PARK7: variants seen among roughly 807,000 people sequenced by gnomAD.
PARK7 encodes Parkinson disease protein 7.
Under a neutral mutation model 20.5 loss-of-function variants are expected in PARK7, and 14 were observed. That is an observed-to-expected ratio of 0.68 (90% CI 0.45 to 1.07). The LOEUF (loss-of-function observed/expected upper bound fraction) is 1.07, where lower values mean the gene tolerates loss of function less well. Among genes scored for constraint, PARK7 ranks in the 50% least tolerant of loss-of-function variants. The pLI, the probability that PARK7 is intolerant of heterozygous loss-of-function variation, is 0.00. For synonymous variants in PARK7, 98 were observed against 84.3 expected (o/e 1.16, Z -0.89); for missense variants, 234 against 238.1 (o/e 0.98, Z 0.11).
intron 6 of PARK7, among the ~76,000 whole-genome samples, chr1:7,979,412 T>C (rs1482646283): frequency 6.6e-6 from 1 of 152,186 alleles, no homozygotes; most frequent in African/African-American, 2.4e-5. Context: ...GTCCACAGTT[T>C]ACATGAGGGT....
At chr1:7,965,279 A>G in intron 2 of PARK7, 45 bp from the exon 3 acceptor site, 1 of 1,542,738 alleles carries the variant, frequency 6.5e-7, no homozygotes, top group Non-Finnish European at 9.0e-7. Context: ...GTTACTCTGA[A>G]TTTATGTTTC....
rs754483095 is a variant in PARK7 at position 7,985,056 on chromosome 1, GC to G, written c.*3del. ...GCTCCACTTGTTCTTAAAGACTAGA[GC>G]AGCGAACTGCGACGATCACTTAGAG... is the stretch of plus-strand genomic sequence containing the variant. On this transcript the variant is annotated 3_prime_UTR_variant, in exon 7 of 7. Coordinates refer to ENST00000338639, the MANE Select transcript of PARK7 (RefSeq NM_007262.5). 5.6e-6 allele frequency: 9 copies of G among 1,613,812 alleles called. No individual in the cohort carries two copies. The highest frequency in any genetic ancestry group is 7.6e-6 in the Non-Finnish European group (9 of 1,179,954).
At chr1:7,976,491 C>A (rs1406939485) in intron 5 of PARK7, among the ~76,000 whole-genome samples, 1 of 152,182 alleles carries the variant, frequency 6.6e-6, no homozygotes, top group African/African-American at 2.4e-5. Flanking sequence ...AAATAAAAAT[C>A]TCAAGTTAGG....
chr1:7,965,936 C>T lies in PARK7; in HGVS notation c.192+511C>T, dbSNP rs114940958. Among the ~76,000 whole-genome samples, 1,268 of 152,274 alleles carry T rather than the reference C, an allele frequency of 8.3e-3. 10 individuals carry two copies. The highest frequency in any genetic ancestry group is 0.014 in the Middle Eastern group (4 of 294). ...GCAATCCTCCCACCTCAACCCCCCA[C>T]GTAGCTCGGACTACAGGCATGTGCC... On this transcript the variant is annotated intron_variant, in intron 3 of 6. Coordinates refer to ENST00000338639, the MANE Select transcript of PARK7 (RefSeq NM_007262.5).
rs988806431 is a variant in PARK7 at position 7,961,792 on chromosome 1, A to C, written c.-25A>C. The C allele has an allele frequency of 3.3e-5, 5 of 152,644 alleles. No individual in the cohort carries two copies. Among genetic ancestry groups the C allele is most frequent in the Admixed American group, 2.6e-4 (4 of 15,278 alleles). 9.5% of individuals were successfully genotyped at this position (152,644 alleles called of 1,614,324 possible). A position where few individuals can be genotyped will look rare whatever the true frequency, so the allele number is the denominator to read the frequency against. On this transcript the variant is annotated splice_region_variant and 5_prime_UTR_variant, in exon 1 of 7. Transcript: ENST00000338639. ...GTCCGCAGGAAGAGGCGCGGGGTGC[A>C]GGTCAGCGCCAGCGGGGGCGCGGCG...
intron 6 of PARK7, among the ~76,000 whole-genome samples, chr1:7,983,851 G>T (rs949966834): frequency 6.6e-6 from 1 of 152,236 alleles, no homozygotes; most frequent in Non-Finnish European, 1.5e-5. Flanking sequence ...CTTCAGGGGT[G>T]CCTCCTGTGT....
chr1:7,964,255 C>A (rs932594987), intron 2 of PARK7, among the ~76,000 whole-genome samples: 1 of 152,130 alleles, frequency 6.6e-6, no homozygotes, highest in East Asian at 1.9e-4. Context: ...GCCGATAAAC[C>A]TTACAACAAT....
At chr1:7,981,558 G>A (rs998321193) in intron 6 of PARK7, among the ~76,000 whole-genome samples, 3 of 152,150 alleles carry the variant, frequency 2.0e-5, no homozygotes, top group Admixed American at 6.5e-5. Flanking sequence ...TACTAAACAC[G>A]CAGGGTGGCT....
At chr1:7,980,684 C>T (rs958497771) in intron 6 of PARK7, among the ~76,000 whole-genome samples, 1 of 152,142 alleles carries the variant, frequency 6.6e-6, no homozygotes, top group East Asian at 1.9e-4. Context: ...TCAGTAACCT[C>T]TATTATAAGA....
Position 7,985,402 on chromosome 1 carries a change from C to T in PARK7, c.*348C>T. The T allele has an allele frequency of 3.0e-6, 1 of 334,498 alleles. No individual in the cohort carries two copies. Among genetic ancestry groups the T allele is most frequent in the Non-Finnish European group, 5.8e-6 (1 of 172,076 alleles). The allele number at this position is 334,498 out of a possible 1,614,324, so 20.7% of individuals were successfully genotyped here. On this transcript the variant is annotated 3_prime_UTR_variant, in exon 7 of 7. Coordinates refer to ENST00000338639, the MANE Select transcript of PARK7 (RefSeq NM_007262.5). ...ATAAAAGAACAGTGACCACATTTTACACAGCAAGGAGGAAAGGCATACAAA... is the reference window on the plus strand; with the variant it reads ...ATAAAAGAACAGTGACCACATTTTATACAGCAAGGAGGAAAGGCATACAAA...
At chr1:7,977,560 C>A in intron 5 of PARK7, 92 bp from the exon 6 acceptor site, 1 of 1,130,338 alleles carries the variant, frequency 8.8e-7, no homozygotes, top group Non-Finnish European at 1.3e-6. Flanking sequence ...GCTGGGATTA[C>A]AGGCATGAGC....
intron 2 of PARK7, among the ~76,000 whole-genome samples, chr1:7,963,618 G>T (rs536496242): frequency 1.8e-4 from 28 of 151,534 alleles, no homozygotes; most frequent in Non-Finnish European, 4.0e-4. Flanking sequence ...CAAGTGACCC[G>T]CCCGCCTTAG....
chr1:7,976,207 A>G (rs1313312425), intron 5 of PARK7, among the ~76,000 whole-genome samples: 1 of 152,230 alleles, frequency 6.6e-6, no homozygotes, highest in South Asian at 2.1e-4. Context: ...ACTGTGCCAC[A>G]GGATCTTAGC....
At position 7,965,358 on chromosome 1, in the gene PARK7, A is replaced by T. The variant is rs1234524912; in HGVS notation, c.125A>T (p.Asp42Val). The T allele has an allele frequency of 1.9e-6, 3 of 1,614,036 alleles. No individual in the cohort carries two copies. Among genetic ancestry groups the T allele is most frequent in the Non-Finnish European group, 1.7e-6 (2 of 1,180,040 alleles). ...KVTVAGLAGK[D>V]PVQCSRDVVI... ...ACCGTTGCAGGCCTGGCTGGAAAAG[A>T]CCCAGTACAGTGTAGCCGTGATGTG... Residue 42 changes from aspartate to valine, a missense_variant, in exon 3 of 7, where the codon GAC becomes GTC. By Grantham distance (152) the Asp-to-Val change is radical. Transcript: ENST00000338639.
At chr1:7,975,320 G>A (rs999364726) in intron 5 of PARK7, among the ~76,000 whole-genome samples, 3 of 152,178 alleles carry the variant, frequency 2.0e-5, no homozygotes, top group Admixed American at 6.6e-5. Context: ...GGGAGGAAGT[G>A]TGGAGTTGGA....
At chr1:7,969,449 G>GC in intron 4 of PARK7, 45 bp downstream of exon 4, 1 of 780,382 alleles carries the variant, frequency 1.3e-6, no homozygotes, top group Non-Finnish European at 2.3e-6. Flanking sequence ...CTGGGGGGGG[G>GC]GAAAAACTAA....
At chr1:7,964,060 A>G (rs1384390451) in intron 2 of PARK7, among the ~76,000 whole-genome samples, 1 of 151,754 alleles carries the variant, frequency 6.6e-6, no homozygotes, top group Non-Finnish European at 1.5e-5. Flanking sequence ...TGATCCACCC[A>G]CCTCGGCCTC....
intron 5 of PARK7, among the ~76,000 whole-genome samples, chr1:7,975,030 A>G (rs1640548966): frequency 6.6e-6 from 1 of 151,658 alleles, no homozygotes; most frequent in Non-Finnish European, 1.5e-5. Flanking sequence ...TAATTTTTGT[A>G]TTTTTGGTAG....
chr1:7,980,346 A>G (rs1194069944), intron 6 of PARK7, among the ~76,000 whole-genome samples: 1 of 152,186 alleles, frequency 6.6e-6, no homozygotes, highest in African/African-American at 2.4e-5. Flanking sequence ...GCGCTCCTGC[A>G]CTACCTGAAG....
Sources: gnomAD v4.1 joint callset for allele counts (sites outside exome capture counted in the v4.1 genomes callset) on GRCh38, gnomAD v4.1.1 for gene constraint, MANE v1.5 for transcripts, NCBI Gene and HGNC (gene_info 2026-07-23, HGNC 2026-07-21) for gene names.